The following ANKS1B variants were observed in gnomAD, a reference collection of about 807,000 sequenced individuals.
ANKS1B encodes the protein ankyrin repeat and sterile alpha motif domain-containing protein 1B.
A neutral mutation model predicts 148.3 loss-of-function variants in ANKS1B; 36 were observed. That is an observed-to-expected ratio of 0.24 (90% CI 0.19 to 0.32). ANKS1B has a LOEUF of 0.32. Ranked by LOEUF, ANKS1B falls within the 10% of genes least tolerant of loss-of-function variation. The pLI, the probability that ANKS1B is intolerant of heterozygous loss-of-function variation, is 1.00. For missense variants in ANKS1B, 1,157 were observed against 1,542.6 expected (o/e 0.75, Z 4.19); for synonymous variants, 542 against 560.8 (o/e 0.97, Z 0.47).
chr12:99,799,662 A>T (rs368027495), intron 4 of ANKS1B, among the ~76,000 whole-genome samples: 69 of 152,126 alleles, frequency 4.5e-4, no homozygotes, highest in African/African-American at 1.6e-3. Context: ...TTGGGTAGTG[A>T]GTAAGGTAAG....
intron 8 of ANKS1B, 145 bp downstream of exon 8, chr12:99,772,777 A>G (rs2063319844): frequency 1.2e-6 from 1 of 820,594 alleles, no homozygotes; most frequent in Admixed American, 3.6e-5. Context: ...TAAAACCCCA[A>G]AGAACGTCAG....
chr12:98,755,139 C>T (rs545302417), intron 25 of ANKS1B, among the ~76,000 whole-genome samples: 3 of 152,188 alleles, frequency 2.0e-5, no homozygotes, highest in African/African-American at 7.2e-5. Context: ...AGATGCTCAT[C>T]CCATGGGACC....
chr12:99,536,573 T>C (rs2097069736), intron 9 of ANKS1B, among the ~76,000 whole-genome samples: 1 of 152,168 alleles, frequency 6.6e-6, no homozygotes, highest in Admixed American at 6.5e-5. Flanking sequence ...CTAGAAAAGT[T>C]GTTGCTATTA....
At chr12:98,867,976 G>C (rs2099634049) in intron 17 of ANKS1B, among the ~76,000 whole-genome samples, 1 of 152,120 alleles carries the variant, frequency 6.6e-6, no homozygotes, top group African/African-American at 2.4e-5. Flanking sequence ...AAGCTGGCCT[G>C]CATTTGCTTA....
At chr12:99,705,774 G>A (rs1464101533) in intron 8 of ANKS1B, among the ~76,000 whole-genome samples, 2 of 152,110 alleles carry the variant, frequency 1.3e-5, no homozygotes, top group Non-Finnish European at 2.9e-5. Context: ...AGAAGGAGTA[G>A]AAGGTGACCA....
At chr12:99,436,194 C>T (rs2095458030) in intron 11 of ANKS1B, among the ~76,000 whole-genome samples, 1 of 151,872 alleles carries the variant, frequency 6.6e-6, no homozygotes, top group Non-Finnish European at 1.5e-5. Context: ...GAAGCTTCAC[C>T]CTTCTAGAAT....
chr12:98,901,189 G>A (rs2099771498), intron 17 of ANKS1B, among the ~76,000 whole-genome samples: 1 of 152,166 alleles, frequency 6.6e-6, no homozygotes. Context: ...GGGACATGTT[G>A]AATTTTAATT....
chr12:99,108,680 T>C (rs1296186862), intron 15 of ANKS1B, among the ~76,000 whole-genome samples: 5 of 152,032 alleles, frequency 3.3e-5, no homozygotes, highest in Non-Finnish European at 7.4e-5. Flanking sequence ...GATAAGAAGG[T>C]AGGTGACTAA....
At chr12:99,824,643 C>T (rs2082942064) in intron 2 of ANKS1B, among the ~76,000 whole-genome samples, 1 of 151,926 alleles carries the variant, frequency 6.6e-6, no homozygotes, top group Non-Finnish European at 1.5e-5. Flanking sequence ...ACATCTGAAT[C>T]ATTTGGAGGA....
In ANKS1B at chr12:98,829,576, G is replaced by T. The variant is rs962147082; in HGVS notation, c.2887-223C>A. ...AAAGGTCTGAAATATCAAGAGTCAG[G>T]TTCTGTTTTCCTAAAGCAGCATCAT... On this transcript the variant is annotated intron_variant, in intron 18 of 26. Coordinates refer to ENST00000683438, the MANE Select transcript of ANKS1B (RefSeq NM_001352186.2). This position sits in a 1 kb window ranked among gnomAD's most constrained non-coding sequence, Gnocchi z 5.2. Among the ~76,000 whole-genome samples the T allele has an allele frequency of 5.3e-5, 8 of 152,146 alleles. No individual in the cohort carries two copies. Among genetic ancestry groups the T allele is most frequent in the African/African-American group, 1.9e-4 (8 of 41,426 alleles).
chr12:98,879,822 T>C (rs2099702009), intron 17 of ANKS1B, among the ~76,000 whole-genome samples: 1 of 152,148 alleles, frequency 6.6e-6, no homozygotes, highest in African/African-American at 2.4e-5. Flanking sequence ...TTGATGTACA[T>C]AGGACACACA....
chr12:99,220,861 T>G (rs2085012730), intron 14 of ANKS1B, among the ~76,000 whole-genome samples: 1 of 152,184 alleles, frequency 6.6e-6, no homozygotes, highest in Non-Finnish European at 1.5e-5. Flanking sequence ...ACCTCATTCC[T>G]TATACAACAG....
chr12:99,242,774 C>G (rs1349591314), intron 14 of ANKS1B, among the ~76,000 whole-genome samples: 1 of 152,114 alleles, frequency 6.6e-6, no homozygotes, highest in Non-Finnish European at 1.5e-5. Flanking sequence ...ACAAACCTGA[C>G]AAAAACAAGC....
chr12:99,263,775 G>T (rs1311605079), intron 12 of ANKS1B, among the ~76,000 whole-genome samples: 3 of 152,140 alleles, frequency 2.0e-5, no homozygotes, highest in African/African-American at 7.2e-5. Flanking sequence ...CGCCATGAAA[G>T]ACATGCTTGC....
chr12:99,646,701 CTGTGTGTGTG>C (rs540206064), intron 9 of ANKS1B, among the ~76,000 whole-genome samples: 3 of 138,500 alleles, frequency 2.2e-5, no homozygotes, highest in African/African-American at 5.2e-5. Context: ...GGCTATGGCT[CTGTGTGTGTG>C]TGTGTGTTTG....
chr12:99,967,874 T>C (rs1603536216), intron 1 of ANKS1B, among the ~76,000 whole-genome samples: 2 of 135,356 alleles, frequency 1.5e-5, no homozygotes, highest in Admixed American at 8.2e-5. Context: ...ACCACGGCAC[T>C]CCAGCCTGGG....
At chr12:99,352,716 G>C (rs2091562387) in intron 12 of ANKS1B, among the ~76,000 whole-genome samples, 1 of 152,004 alleles carries the variant, frequency 6.6e-6, no homozygotes, top group South Asian at 2.1e-4. Context: ...AAAAACCTTA[G>C]AAAGATCTTA....
intron 12 of ANKS1B, among the ~76,000 whole-genome samples, chr12:99,381,575 C>G (rs950710753): frequency 1.3e-5 from 2 of 152,136 alleles, no homozygotes; most frequent in African/African-American, 4.8e-5. Context: ...TTAAGTGCAG[C>G]AGACTGGTCA....
chr12:99,244,233 G>A (rs909010057), intron 14 of ANKS1B, 109 bp downstream of exon 14: 13 of 700,282 alleles, frequency 1.9e-5, no homozygotes, highest in African/African-American at 5.5e-5. Context: ...GAAATAATTT[G>A]TAGTTATTGT....
Sources: gnomAD v4.1 joint callset for allele counts (sites outside exome capture counted in the v4.1 genomes callset) on GRCh38, gnomAD v4.1.1 for gene constraint, Gnocchi (gnomAD v3.1) non-coding constraint, MANE v1.5 for transcripts, NCBI Gene and HGNC (gene_info 2026-07-23, HGNC 2026-07-21) for gene names.